Variants in RNF13 observed in about 807,000 individuals in gnomAD.
The protein encoded by RNF13 is E3 ubiquitin-protein ligase RNF13.
Under a neutral mutation model 37.7 loss-of-function variants are expected in RNF13, and 19 were observed. The observed-to-expected ratio is 0.50, with a 90% confidence interval of 0.35 to 0.74. The LOEUF (loss-of-function observed/expected upper bound fraction) is 0.74. Among genes scored for constraint, RNF13 ranks in the 30% least tolerant of loss-of-function variants. RNF13 has a pLI of 0.01. For missense variants in RNF13, 375 were observed against 453.0 expected (o/e 0.83, Z 1.56); for synonymous variants, 144 against 157.8 (o/e 0.91, Z 0.65).
At chr3:149,954,965 G>A (rs1250809446) in intron 8 of RNF13, among the ~76,000 whole-genome samples, 1 of 152,124 alleles carries the variant, frequency 6.6e-6, no homozygotes, top group Admixed American at 6.6e-5. Context: ...TTTCCTAACA[G>A]ATGGAAAATC....
At chr3:149,927,609 A>G (rs1328948602) in intron 8 of RNF13, among the ~76,000 whole-genome samples, 1 of 152,154 alleles carries the variant, frequency 6.6e-6, no homozygotes, top group Non-Finnish European at 1.5e-5. Context: ...ATTTCTCCAC[A>G]TCCTTGTCAA....
intron 8 of RNF13, among the ~76,000 whole-genome samples, chr3:149,930,321 C>G (rs1719040713): frequency 6.6e-6 from 1 of 152,072 alleles, no homozygotes; most frequent in Admixed American, 6.6e-5. Flanking sequence ...TTTTGCCATT[C>G]CGTATATACT....
chr3:149,849,787 T>A (rs1722966276), intron 2 of RNF13, among the ~76,000 whole-genome samples: 1 of 152,218 alleles, frequency 6.6e-6, no homozygotes, highest in Non-Finnish European at 1.5e-5. Context: ...CTTAGCATGA[T>A]GTCTGTACAT....
intron 2 of RNF13, among the ~76,000 whole-genome samples, chr3:149,847,619 G>A (rs565671844): frequency 1.3e-5 from 2 of 151,836 alleles, no homozygotes; most frequent in African/African-American, 2.4e-5. Flanking sequence ...GAATAGTCTT[G>A]GTCTTTTTGA....
At chr3:149,895,445 A>ATTT in intron 4 of RNF13, 28 bp from the exon 5 acceptor site, 2 of 1,102,656 alleles carry the variant, frequency 1.8e-6, no homozygotes, top group South Asian at 1.5e-5. Flanking sequence ...TTATAACATA[A>ATTT]TTTTTTTTTT....
chr3:149,836,840 A>T (rs1404461972), intron 1 of RNF13, among the ~76,000 whole-genome samples: 1 of 152,252 alleles, frequency 6.6e-6, no homozygotes, highest in Non-Finnish European at 1.5e-5. Context: ...AAATTTTCAC[A>T]TGTGGTACAA....
At chr3:149,927,275 A>G (rs1468160021) in intron 8 of RNF13, among the ~76,000 whole-genome samples, 1 of 152,178 alleles carries the variant, frequency 6.6e-6, no homozygotes, top group Admixed American at 6.5e-5. Flanking sequence ...CACTTCCCAT[A>G]ATGTTTTCAA....
chr3:149,904,484 A>T (rs1716190567), intron 6 of RNF13, among the ~76,000 whole-genome samples: 1 of 152,088 alleles, frequency 6.6e-6, no homozygotes, highest in African/African-American at 2.4e-5. Context: ...GATCTCAAGC[A>T]ATCCTCCTAC....
intron 4 of RNF13, among the ~76,000 whole-genome samples, chr3:149,884,532 T>A (rs1422225535): frequency 6.6e-6 from 1 of 152,116 alleles, no homozygotes; most frequent in Non-Finnish European, 1.5e-5. Context: ...AAGGTCTCAC[T>A]GTATGCATGC....
chr3:149,837,698 G>C (rs1721765361), intron 1 of RNF13, among the ~76,000 whole-genome samples: 1 of 152,080 alleles, frequency 6.6e-6, no homozygotes. Context: ...CCTCCTGCCG[G>C]GTCCCTCCCA....
At chr3:149,828,587 G>T (rs1292465725) in intron 1 of RNF13, among the ~76,000 whole-genome samples, 1 of 152,034 alleles carries the variant, frequency 6.6e-6, no homozygotes, top group South Asian at 2.1e-4. Context: ...TTATTGCTAG[G>T]GTTGGCAGCC....
intron 8 of RNF13, among the ~76,000 whole-genome samples, chr3:149,926,649 G>GT (rs201125912): frequency 0.012 from 1,830 of 152,004 alleles, 30 homozygotes; most frequent in African/African-American, 0.041. Flanking sequence ...TCCAATTTAA[G>GT]TTTTTTTTCC....
chr3:149,881,259 C>T (rs1713361140), intron 4 of RNF13, among the ~76,000 whole-genome samples: 1 of 151,964 alleles, frequency 6.6e-6, no homozygotes, highest in African/African-American at 2.4e-5. Context: ...ATTGTGTCTC[C>T]CAGTATTTAA....
intron 2 of RNF13, among the ~76,000 whole-genome samples, chr3:149,849,713 T>C (rs73870447): frequency 0.027 from 4,038 of 152,298 alleles, 69 homozygotes; most frequent in South Asian, 0.036. Context: ...ATGAGGATGA[T>C]AGTAATAGTG....
intron 4 of RNF13, among the ~76,000 whole-genome samples, chr3:149,891,175 A>G (rs538203126): frequency 1.3e-5 from 2 of 152,318 alleles, no homozygotes; most frequent in East Asian, 3.9e-4. Flanking sequence ...GTGTGACCTT[A>G]GGGTAGTTAC....
At chr3:149,922,164 G>C (rs547512987) in intron 8 of RNF13, among the ~76,000 whole-genome samples, 3 of 152,222 alleles carry the variant, frequency 2.0e-5, no homozygotes, top group African/African-American at 7.2e-5. Context: ...AGTAGAGACG[G>C]GGTTTCACCA....
chr3:149,853,757 G>A (rs1266390797), intron 3 of RNF13, among the ~76,000 whole-genome samples: 1 of 145,550 alleles, frequency 6.9e-6, no homozygotes, highest in African/African-American at 2.5e-5. Flanking sequence ...TTAGTTTTTT[G>A]TTATATGAAT....
intron 8 of RNF13, among the ~76,000 whole-genome samples, chr3:149,958,929 C>T (rs1187413279): frequency 1.3e-5 from 2 of 152,140 alleles, no homozygotes; most frequent in African/African-American, 2.4e-5. Flanking sequence ...TCGGGCTTCT[C>T]CTGAATGTGT....
At chr3:149,848,379 G>A (rs146646939) in intron 2 of RNF13, among the ~76,000 whole-genome samples, 2 of 152,310 alleles carry the variant, frequency 1.3e-5, no homozygotes, top group African/African-American at 4.8e-5. Flanking sequence ...TGACACGAAT[G>A]CAAAGATGGC....
Sources: allele counts gnomAD v4.1 joint callset (sites outside exome capture counted in the v4.1 genomes callset), GRCh38; gene constraint gnomAD v4.1.1; transcripts MANE v1.5; gene names NCBI Gene and HGNC (gene_info 2026-07-23, HGNC 2026-07-21).